The following TIAM1 variants were observed in gnomAD, a reference collection of about 807,000 sequenced individuals.
The protein encoded by TIAM1 is rho guanine nucleotide exchange factor TIAM1.
TIAM1 carries 65 observed loss-of-function variants against 163.5 expected under a neutral mutation model. That is an observed-to-expected ratio of 0.40 (90% confidence interval 0.33 to 0.49). TIAM1 has a LOEUF of 0.49. Among genes scored for constraint, TIAM1 ranks in the 20% least tolerant of loss-of-function variants. The pLI, the probability that TIAM1 is intolerant of heterozygous loss-of-function variation, is 0.77. For synonymous variants in TIAM1, 833 were observed against 810.1 expected (o/e 1.03, Z -0.48); for missense variants, 1,789 against 2,044.7 (o/e 0.87, Z 2.41).
chr21:31,317,363 G>A (rs181118102), intron 2 of TIAM1, among the ~76,000 whole-genome samples: 3 of 152,332 alleles, frequency 2.0e-5, no homozygotes, highest in African/African-American at 4.8e-5. Context: ...CTGAGGAGGA[G>A]AATTGCTTGA....
intron 1 of TIAM1, among the ~76,000 whole-genome samples, chr21:31,538,217 A>C (rs1196536238): frequency 6.6e-6 from 1 of 152,204 alleles, no homozygotes; most frequent in African/African-American, 2.4e-5. Flanking sequence ...TTCTGTATGT[A>C]TGTTATATTT....
At chr21:31,513,032 G>C (rs898909902) in intron 1 of TIAM1, among the ~76,000 whole-genome samples, 2 of 152,132 alleles carry the variant, frequency 1.3e-5, no homozygotes, top group African/African-American at 4.8e-5. Context: ...GAGGAAACAG[G>C]CTTCCAGAGG....
intron 2 of TIAM1, among the ~76,000 whole-genome samples, chr21:31,292,278 T>C (rs1297644328): frequency 6.6e-6 from 1 of 152,166 alleles, no homozygotes; most frequent in Non-Finnish European, 1.5e-5. Context: ...CTTCCCCTTG[T>C]TCTTCCCCGA....
At chr21:31,558,250 G>A (rs2048960082) in intron 1 of TIAM1, among the ~76,000 whole-genome samples, 1 of 152,164 alleles carries the variant, frequency 6.6e-6, no homozygotes, top group South Asian at 2.1e-4. Context: ...CGGGGACCCA[G>A]GGCACAGTCC....
intron 1 of TIAM1, among the ~76,000 whole-genome samples, chr21:31,514,136 T>G (rs2047303635): frequency 6.6e-6 from 1 of 152,144 alleles, no homozygotes; most frequent in African/African-American, 2.4e-5. Flanking sequence ...CATCCCACCC[T>G]CAATTGTATT....
At chr21:31,268,915 A>G (rs543719435) in intron 3 of TIAM1, among the ~76,000 whole-genome samples, 1 of 152,184 alleles carries the variant, frequency 6.6e-6, no homozygotes, top group Non-Finnish European at 1.5e-5. Context: ...ATGTAACTAT[A>G]TGTTTTGCCA....
upstream of TIAM1, among the ~76,000 whole-genome samples, chr21:31,349,112 T>C (rs2076194751): frequency 6.6e-6 from 1 of 152,234 alleles, no homozygotes; most frequent in South Asian, 2.1e-4. Flanking sequence ...TAATTTTCTC[T>C]GCCTTCTGAG....
At chr21:31,555,146 AAATG>A (rs2048831342) in intron 1 of TIAM1, among the ~76,000 whole-genome samples, 1 of 151,880 alleles carries the variant, frequency 6.6e-6, no homozygotes, top group Non-Finnish European at 1.5e-5. Flanking sequence ...TTTTTTTAAT[AAATG>A]ATTTGGCCTA....
At chr21:31,229,715 C>A (rs2088291431) in intron 6 of TIAM1, among the ~76,000 whole-genome samples, 1 of 151,832 alleles carries the variant, frequency 6.6e-6, no homozygotes, top group East Asian at 1.9e-4. Flanking sequence ...AGTAGCAGTG[C>A]AATCTCGGCT....
intron 2 of TIAM1, among the ~76,000 whole-genome samples, chr21:31,317,536 T>C (rs781694442): frequency 6.6e-6 from 1 of 152,184 alleles, no homozygotes; most frequent in Non-Finnish European, 1.5e-5. Context: ...TCCCAGCACT[T>C]TGGGAGGCCG....
At chr21:31,226,625 T>C (rs992659086) in intron 6 of TIAM1, among the ~76,000 whole-genome samples, 5 of 152,178 alleles carry the variant, frequency 3.3e-5, no homozygotes, top group Admixed American at 3.3e-4. Flanking sequence ...TGTGACTCGG[T>C]GTTCTGAAAG....
chr21:31,325,478 G>T (rs1322728969), intron 2 of TIAM1, among the ~76,000 whole-genome samples: 1 of 151,902 alleles, frequency 6.6e-6, no homozygotes, highest in Admixed American at 6.6e-5. Flanking sequence ...GACCAGCCTG[G>T]CCAACACGGC....
intron 3 of TIAM1, among the ~76,000 whole-genome samples, chr21:31,271,522 T>A (rs928576905): frequency 2.6e-5 from 4 of 152,026 alleles, no homozygotes; most frequent in Non-Finnish European, 4.4e-5. Context: ...AACTTAGGGG[T>A]GAGGGTGTTC....
chr21:31,506,795 G>A (rs1000893603), intron 1 of TIAM1, among the ~76,000 whole-genome samples: 3 of 152,200 alleles, frequency 2.0e-5, no homozygotes, highest in African/African-American at 7.2e-5. Flanking sequence ...GCGCAAGCCT[G>A]TAATCCTAGC....
At chr21:31,290,133 T>C (rs1037370569) in intron 2 of TIAM1, among the ~76,000 whole-genome samples, 3 of 152,214 alleles carry the variant, frequency 2.0e-5, no homozygotes, top group African/African-American at 7.2e-5. Context: ...TCTGTATGTA[T>C]TTATATAGCA....
At chr21:31,300,683 C>G (rs1462845531) in intron 2 of TIAM1, among the ~76,000 whole-genome samples, 3 of 152,172 alleles carry the variant, frequency 2.0e-5, no homozygotes, top group African/African-American at 7.2e-5. Flanking sequence ...ATTAAAGTCA[C>G]AGACAGTTCA....
At chr21:31,479,703 G>C (rs1371344082) in intron 1 of TIAM1, among the ~76,000 whole-genome samples, 3 of 152,118 alleles carry the variant, frequency 2.0e-5, no homozygotes, top group Admixed American at 2.0e-4. Context: ...AAGTGAAAAA[G>C]GAAGGATAAG....
chr21:31,138,529 G>T (rs1047476459), intron 22 of TIAM1, among the ~76,000 whole-genome samples: 1 of 152,190 alleles, frequency 6.6e-6, no homozygotes, highest in Admixed American at 6.5e-5. Context: ...CAAGGATCAG[G>T]AATTACTTTT....
chr21:31,329,552 C>T (rs894681947), intron 2 of TIAM1, among the ~76,000 whole-genome samples: 1 of 150,128 alleles, frequency 6.7e-6, no homozygotes, highest in African/African-American at 2.5e-5. Context: ...GTGGCTAACA[C>T]GGCATCTACC....
Sources: gnomAD v4.1 joint callset for allele counts (sites outside exome capture counted in the v4.1 genomes callset) on GRCh38, gnomAD v4.1.1 for gene constraint, MANE v1.5 for transcripts, NCBI Gene and HGNC (gene_info 2026-07-23, HGNC 2026-07-21) for gene names.